The following TADA3 variants were observed in gnomAD, a reference collection of about 807,000 sequenced individuals.
TADA3 encodes transcriptional adaptor 3.
In TADA3, 25 loss-of-function variants were observed where a neutral mutation model predicts 43.2. That is an observed-to-expected ratio of 0.58 (90% CI 0.42 to 0.81). The LOEUF is 0.81. Among genes scored for constraint, TADA3 ranks in the 30% least tolerant of loss-of-function variants. The pLI, the probability that TADA3 is intolerant of heterozygous loss-of-function variation, is 0.00. For missense variants in TADA3, 441 were observed against 567.8 expected, an observed-to-expected ratio of 0.78 and a Z score of 2.27; for synonymous variants, 235 against 225.5, an observed-to-expected ratio of 1.04 and a Z score of -0.38.
intron 2 of TADA3, among the ~76,000 whole-genome samples, chr3:9,790,475 G>A (rs866116702): frequency 2.0e-5 from 3 of 152,134 alleles, no homozygotes; most frequent in Non-Finnish European, 4.4e-5. Context: ...GCACCCAATC[G>A]TGTTGTTTGG....
In TADA3 at chr3:9,789,961, G is replaced by A. The variant is rs778276110; in HGVS notation, c.210C>T (p.Ile70=). 35 of 1,586,178 alleles carry A rather than the reference G, an allele frequency of 2.2e-5. No homozygotes were observed. In the Middle Eastern group the frequency reaches 6.8e-4, roughly 31 times the overall value. ...RLRVLEAETQ[I]LTDWQDKKGD... Reference sequence around the variant, plus strand: ...CTTTCTTATCCTGCCAGTCGGTGAGGATCTGAAATTTACAGAAAGTGTCAC... The same window carrying A: ...CTTTCTTATCCTGCCAGTCGGTGAGAATCTGAAATTTACAGAAAGTGTCAC... Residue 70 remains isoleucine (I), a splice_region_variant and synonymous_variant, in exon 3 of 9, where the codon ATC becomes ATT. Coordinates refer to ENST00000301964, the MANE Select transcript of TADA3 (RefSeq NM_006354.5).
chr3:9,782,953 G>A (rs151167957), intron 8 of TADA3, among the ~76,000 whole-genome samples: 4 of 152,296 alleles, frequency 2.6e-5, no homozygotes, highest in African/African-American at 9.6e-5. Context: ...TCCTCAAGAT[G>A]TCACCTATAC....
At chr3:9,785,969 C>CT (rs1181760684) in intron 6 of TADA3, among the ~76,000 whole-genome samples, 17 of 151,474 alleles carry the variant, frequency 1.1e-4, no homozygotes, top group African/African-American at 4.1e-4. Flanking sequence ...TGGAGTCTCA[C>CT]TTTGTCACCC....
intron 4 of TADA3, among the ~76,000 whole-genome samples, chr3:9,788,923 C>A (rs911268259): frequency 9.2e-5 from 14 of 151,672 alleles, no homozygotes; most frequent in African/African-American, 3.4e-4. Context: ...GCAACTTCCA[C>A]CTCCCGGGTC....
At chr3:9,789,112 A>C (rs1218216951) in intron 4 of TADA3, among the ~76,000 whole-genome samples, 1 of 152,220 alleles carries the variant, frequency 6.6e-6, no homozygotes, top group Non-Finnish European at 1.5e-5. Flanking sequence ...CTAGGATTGC[A>C]GGCATAAGCC....
At chr3:9,786,576 ATCT>A (rs2078617767) in intron 6 of TADA3, among the ~76,000 whole-genome samples, 1 of 152,144 alleles carries the variant, frequency 6.6e-6, no homozygotes, top group African/African-American at 2.4e-5. Flanking sequence ...CTGAGCCTCA[ATCT>A]TCTTATCTGT....
upstream of TADA3, chr3:9,792,776 T>C (rs2078773185): frequency 1.6e-6 from 2 of 1,259,302 alleles, no homozygotes; most frequent in African/African-American, 3.1e-5. Flanking sequence ...CTTCGGCTTG[T>C]CCTAATTTGG....
chr3:9,787,064 G>T lies in TADA3; in HGVS notation c.752C>A (p.Pro251Gln). The change falls in exon 6 of 9, where the codon CCG becomes CAG. Residue 251 changes from proline to glutamine, a missense_variant. By Grantham distance (76) the Pro-to-Gln change is moderately conservative (BLOSUM62 -1). Coordinates refer to ENST00000301964, the MANE Select transcript of TADA3 (RefSeq NM_006354.5). ...GGCACCAAAGGGGCATCCATCTTCC[G>T]GCTGTTCATGCTGGGCCTCAGACTT... ...LKKSEAQHEQ[P>Q]EDGCPFGALT... The T allele has an allele frequency of 6.2e-7, 1 of 1,614,200 alleles. No homozygotes were observed. Among genetic ancestry groups the T allele is most frequent in the Non-Finnish European group, 8.5e-7 (1 of 1,180,040 alleles).
intron 1 of TADA3, 77 bp downstream of exon 1, chr3:9,792,139 T>C (rs2125630359): frequency 6.6e-6 from 1 of 152,500 alleles, no homozygotes; most frequent in South Asian, 2.1e-4. Flanking sequence ...ATCTGTAAAA[T>C]GGGGACAAAA....
rs780299109 is a variant in TADA3, at chr3:9,789,705, C to T, written c.458+8G>A. On this transcript the variant is annotated splice_region_variant and intron_variant, in intron 3 of 8. Coordinates refer to ENST00000301964, the MANE Select transcript of TADA3 (RefSeq NM_006354.5). ...TGAGGCCCCCTTCTATGTTCTCTAG[C>T]CCAGAACCTGTTGGGGGCATCATTT... The T allele has an allele frequency of 1.2e-4, 195 of 1,611,532 alleles. No homozygotes were observed. Among genetic ancestry groups the T allele is most frequent in the Non-Finnish European group, 8.9e-5 (105 of 1,178,192 alleles).
upstream of TADA3, chr3:9,792,800 G>A (rs1354232471): frequency 1.8e-5 from 23 of 1,277,960 alleles, no homozygotes; most frequent in Non-Finnish European, 1.8e-5. Flanking sequence ...CCAATCTGAA[G>A]CTGGGCTGTA....
At chr3:9,780,899 G>A (rs965198228) in intron 8 of TADA3, among the ~76,000 whole-genome samples, 53 of 152,270 alleles carry the variant, frequency 3.5e-4, no homozygotes, top group African/African-American at 1.2e-3. Context: ...AGCACTTTGG[G>A]AGCCCAAGGC....
At chr3:9,783,768 A>T in intron 8 of TADA3, 1 of 482,492 alleles carries the variant, frequency 2.1e-6, no homozygotes, top group Non-Finnish European at 3.4e-6. Context: ...ACAGTGCGAG[A>T]CTCCCTCTCA....
At chr3:9,782,165 T>C (rs1300946401) in intron 8 of TADA3, among the ~76,000 whole-genome samples, 1 of 152,174 alleles carries the variant, frequency 6.6e-6, no homozygotes, top group East Asian at 1.9e-4. Context: ...TAACTGCACA[T>C]GCCTGCTTTT....
At chr3:9,781,694 A>G in intron 8 of TADA3, 4 of 428,642 alleles carry the variant, frequency 9.3e-6, no homozygotes, top group South Asian at 4.7e-5. Flanking sequence ...GATTGAGTCC[A>G]GCCTGCCAGT....
At position 9,785,405 on chromosome 3, in the gene TADA3, C is replaced by G; in HGVS notation, c.831G>C (p.Met277Ile). Reference protein sequence around the residue: ...ALVEENIISPMEDSPIPDMSG... With the variant: ...ALVEENIISPIEDSPIPDMSG... ...ACATGTCAGGAATAGGAGAATCCTC[C>G]ATAGGGGAAATAATATTTTCCTAGA... Residue 277 changes from methionine (M) to isoleucine (I), a missense_variant, in exon 7 of 9, where the codon ATG becomes ATC. Transcript: ENST00000301964. 6.2e-7 allele frequency: 1 copy of G among 1,613,588 alleles called. No individual in the cohort carries two copies. The highest frequency in any genetic ancestry group is 8.5e-7 in the Non-Finnish European group (1 of 1,179,602).
Position 9,792,397 on chromosome 3 carries a change from C to T in TADA3, c.-209G>A. Reference sequence around the variant, plus strand: ...GACCCCCGCCCCCTCTACCTCCTCGCTGCGGCCTCCTACGGCCCCAGGGGC... The same window carrying T: ...GACCCCCGCCCCCTCTACCTCCTCGTTGCGGCCTCCTACGGCCCCAGGGGC... On this transcript the variant is annotated 5_prime_UTR_variant, in exon 1 of 9. Coordinates refer to ENST00000301964, the MANE Select transcript of TADA3 (RefSeq NM_006354.5). The T allele has an allele frequency of 3.7e-6, 3 of 821,654 alleles. No homozygotes were observed. Among genetic ancestry groups the T allele is most frequent in the Non-Finnish European group, 4.5e-6 (3 of 662,270 alleles). 50.9% of individuals were successfully genotyped at this position (821,654 alleles called of 1,614,324 possible).
intron 8 of TADA3, among the ~76,000 whole-genome samples, chr3:9,780,788 C>A (rs529833653): frequency 6.6e-6 from 1 of 152,162 alleles, no homozygotes; most frequent in African/African-American, 2.4e-5. Flanking sequence ...CAGGGAGATA[C>A]GGGAATTCTC....
Position 9,780,051 on chromosome 3 carries a change from A to G in TADA3, c.*306T>C. On this transcript the variant is annotated 3_prime_UTR_variant, in exon 9 of 9. Coordinates refer to ENST00000301964, the MANE Select transcript of TADA3 (RefSeq NM_006354.5). Reference sequence around the variant, plus strand: ...AGGGAGAAGTCCTTGAAGGGGAGACAGGGGTAGGGGATTAGGGAGTGGGGG... The same window carrying G: ...AGGGAGAAGTCCTTGAAGGGGAGACGGGGGTAGGGGATTAGGGAGTGGGGG... 3.6e-6 allele frequency: 1 copy of G among 279,124 alleles called. No individual in the cohort carries two copies. Among genetic ancestry groups the G allele is most frequent in the Non-Finnish European group, 6.7e-6 (1 of 149,908 alleles). 17.3% of individuals were successfully genotyped at this position (279,124 alleles called of 1,614,324 possible). A position where few individuals can be genotyped will look rare whatever the true frequency, so the allele number is the denominator to read the frequency against.
Sources: gnomAD v4.1 joint callset for allele counts (sites outside exome capture counted in the v4.1 genomes callset) on GRCh38, gnomAD v4.1.1 for gene constraint, MANE v1.5 for transcripts, NCBI Gene and HGNC (gene_info 2026-07-23, HGNC 2026-07-21) for gene names.